Variants in ARHGEF4 observed in about 807,000 individuals in gnomAD.
The protein encoded by ARHGEF4 is APC-stimulated guanine nucleotide exchange factor 1.
A neutral mutation model predicts 162.0 loss-of-function variants in ARHGEF4; 119 were observed. The observed-to-expected ratio is 0.73, with a 90% CI of 0.63 to 0.86. The LOEUF is 0.86. ARHGEF4 is among the 40% of genes least tolerant of loss of function. The pLI is 0.00. For missense variants in ARHGEF4, 2,488 were observed against 2,456.0 expected (o/e 1.01, Z -0.28); for synonymous variants, 1,014 against 979.9 (o/e 1.03, Z -0.65).
intron 1 of ARHGEF4, among the ~76,000 whole-genome samples, chr2:130,912,052 C>T (rs946931711): frequency 2.6e-5 from 4 of 152,256 alleles, no homozygotes; most frequent in African/African-American, 9.6e-5. Context: ...AGATGAGGGG[C>T]TGCAAGCGCC....
chr2:130,904,803 G>A (rs1214642313), intron 1 of ARHGEF4, among the ~76,000 whole-genome samples: 11 of 151,378 alleles, frequency 7.3e-5, no homozygotes, highest in Non-Finnish European at 5.9e-5. Flanking sequence ...CACTGGCCAG[G>A]CTTGGTGGCT....
At chr2:131,045,704 A>G in intron 13 of ARHGEF4, 1 of 1,450,440 alleles carries the variant, frequency 6.9e-7, no homozygotes, top group East Asian at 2.5e-5. Flanking sequence ...TTGTTTCCCC[A>G]GGGTTCCTTC....
At chr2:130,874,058 T>G (rs1304801975) in intron 1 of ARHGEF4, among the ~76,000 whole-genome samples, 1 of 151,832 alleles carries the variant, frequency 6.6e-6, no homozygotes, top group African/African-American at 2.4e-5. Flanking sequence ...TCAACCCTGG[T>G]TTTTCTTTCA....
chr2:130,841,051 C>T (rs928338638), intron 1 of ARHGEF4, among the ~76,000 whole-genome samples: 2 of 152,104 alleles, frequency 1.3e-5, no homozygotes, highest in Non-Finnish European at 2.9e-5. Context: ...GCCTACCAGA[C>T]CTAGTTTTAA....
In ARHGEF4 at chr2:130,860,659, G is replaced by A. The variant is rs1681962018; in HGVS notation, c.39+23667G>A. 3.4e-5 allele frequency among the ~76,000 whole-genome samples: 4 copies of A among 118,930 alleles called. 2 individuals are homozygous for A. Among genetic ancestry groups the A allele is most frequent in the African/African-American group, 1.8e-4 (4 of 22,496 alleles). The allele number at this position is 118,930 out of a possible 152,430, so 78.0% of individuals were successfully genotyped here. ...CGGGAGGCGAAGCTTGCGGTGAGCC[G>A]AGATCGCGTCACTGCACTCCAGCCT... On this transcript the variant is annotated intron_variant, in intron 1 of 13. Transcript: ENST00000409359.
At chr2:130,991,205 G>A (rs1446129679) in intron 4 of ARHGEF4, among the ~76,000 whole-genome samples, 2 of 152,238 alleles carry the variant, frequency 1.3e-5, no homozygotes, top group African/African-American at 2.4e-5. Flanking sequence ...AGAGATGTAT[G>A]GGTGGGGGCA....
intron 4 of ARHGEF4, chr2:130,964,312 C>A (rs915504899): frequency 1.1e-6 from 1 of 923,352 alleles, no homozygotes; most frequent in Non-Finnish European, 1.3e-6. Flanking sequence ...GCTCTTGGGA[C>A]CCCCCGCCCC....
At chr2:130,841,610 TTCCGTCA>T in intron 1 of ARHGEF4, among the ~76,000 whole-genome samples, 1 of 152,300 alleles carries the variant, frequency 6.6e-6, no homozygotes, top group South Asian at 2.1e-4. Flanking sequence ...CGGGAAGGTC[TTCCGTCA>T]TCATCTCCAG....
intron 1 of ARHGEF4, among the ~76,000 whole-genome samples, chr2:130,870,936 T>A (rs1678437906): frequency 6.6e-6 from 1 of 152,072 alleles, no homozygotes; most frequent in Non-Finnish European, 1.5e-5. Flanking sequence ...CTAAGTGCTG[T>A]CAGCCCAGGA....
intron 4 of ARHGEF4, among the ~76,000 whole-genome samples, chr2:131,016,680 C>T (rs1688792556): frequency 6.6e-6 from 1 of 152,252 alleles, no homozygotes; most frequent in South Asian, 2.1e-4. Context: ...ATCCAGAGGG[C>T]TATGCAGACA....
chr2:130,880,859 G>A (rs1005731142), intron 1 of ARHGEF4, among the ~76,000 whole-genome samples: 15 of 151,302 alleles, frequency 9.9e-5, no homozygotes, highest in African/African-American at 3.6e-4. Context: ...AATAATGGAA[G>A]GCAACACAGC....
rs576599395 is a variant in ARHGEF4, at chr2:131,002,324, T to C, written c.3986-25621T>C. ...CGGGCGCGGTGGCTCATGCCTGTAA[T>C]CCCAGCACTTTGGGAGGCCGAGGCA... On this transcript the variant is annotated intron_variant, in intron 4 of 13. Coordinates refer to ENST00000409359, the MANE Select transcript of ARHGEF4 (RefSeq NM_001367493.1). 4.1e-4 allele frequency among the ~76,000 whole-genome samples: 63 copies of C among 152,242 alleles called. 1 individual carries two copies. Among genetic ancestry groups the C allele is most frequent in the African/African-American group, 1.5e-3 (62 of 41,532 alleles).
rs1681363527 is a variant in ARHGEF4 at position 130,914,287 on chromosome 2, C to T, written c.341C>T (p.Pro114Leu). ...EYPDVSATGPPQEQHLTSVPG... is the reference protein window; with the variant it reads ...EYPDVSATGPLQEQHLTSVPG... ...CCTGATGTCTCAGCAACTGGACCCC[C>T]TCAGGAGCAGCATTTGACCAGTGTT... The change falls in exon 2 of 14, where the codon CCT becomes CTT. Residue 114 changes from proline (P) to leucine (L), a missense_variant. Around this residue, in one of 6 missense-constraint regions of ARHGEF4, gnomAD observed 171 missense variants for 169.4 expected, o/e 1.01. Transcript: ENST00000409359. The T allele has an allele frequency of 9.9e-6, 15 of 1,520,650 alleles. No individual in the cohort carries two copies. Among genetic ancestry groups the T allele is most frequent in the Non-Finnish European group, 1.3e-5 (15 of 1,137,734 alleles). 94.2% of individuals were successfully genotyped at this position (1,520,650 alleles called of 1,614,324 possible). A position where few individuals can be genotyped will look rare whatever the true frequency, so the allele number is the denominator to read the frequency against.
chr2:130,950,437 T>C (rs906557256), intron 4 of ARHGEF4, among the ~76,000 whole-genome samples: 1 of 152,212 alleles, frequency 6.6e-6, no homozygotes, highest in Non-Finnish European at 1.5e-5. Flanking sequence ...CAGGACTACC[T>C]GGTAGTATGG....
intron 3 of ARHGEF4, among the ~76,000 whole-genome samples, chr2:130,942,145 C>CT (rs1558749267): frequency 3.6e-5 from 4 of 112,452 alleles, no homozygotes; most frequent in South Asian, 2.9e-4. Flanking sequence ...TTTTTTTTTT[C>CT]TTTTTTCTTT....
At chr2:130,844,217 G>A (rs1487239578) in intron 1 of ARHGEF4, among the ~76,000 whole-genome samples, 1 of 152,234 alleles carries the variant, frequency 6.6e-6, no homozygotes, top group African/African-American at 2.4e-5. Flanking sequence ...CCTCATCTCT[G>A]CAATGGGCTG....
intron 2 of ARHGEF4, chr2:130,929,916 CGA>C (rs1459034317): frequency 6.6e-6 from 1 of 151,312 alleles, no homozygotes; most frequent in Non-Finnish European, 1.5e-5. Context: ...TTTTTGAGAC[CGA>C]GTCTCGCTTT....
intron 3 of ARHGEF4, among the ~76,000 whole-genome samples, chr2:130,946,285 G>C (rs867299091): frequency 2.6e-5 from 4 of 152,228 alleles, no homozygotes; most frequent in Non-Finnish European, 4.4e-5. Flanking sequence ...TCCATGGAAT[G>C]ACAGCCTATC....
chr2:130,907,556 G>A (rs1680904412), intron 1 of ARHGEF4, among the ~76,000 whole-genome samples: 1 of 151,978 alleles, frequency 6.6e-6, no homozygotes, highest in South Asian at 2.1e-4. Context: ...TTATTGTATG[G>A]ATATGGATGC....
Sources: allele counts gnomAD v4.1 joint callset (sites outside exome capture counted in the v4.1 genomes callset), GRCh38; gene constraint gnomAD v4.1.1; regional missense constraint gnomAD v4.1.1; transcripts MANE v1.5; gene names NCBI Gene and HGNC (gene_info 2026-07-23, HGNC 2026-07-21).